The following PPARGC1A variants were observed in gnomAD, a reference collection of about 807,000 sequenced individuals.
PPARGC1A encodes the protein peroxisome proliferator-activated receptor gamma coactivator 1-alpha.
A neutral mutation model predicts 88.7 loss-of-function variants in PPARGC1A; 25 were observed. The observed-to-expected ratio is 0.28, with a 90% CI of 0.21 to 0.39. PPARGC1A has a LOEUF of 0.39. PPARGC1A is among the 10% of genes least tolerant of loss of function. The pLI is 1.00. For missense variants in PPARGC1A, 880 were observed against 968.7 expected, an observed-to-expected ratio of 0.91 and a Z score of 1.22; for synonymous variants, 363 against 355.6, an observed-to-expected ratio of 1.02 and a Z score of -0.24.
the PPARGC1A span, among the ~76,000 whole-genome samples, chr4:24,208,633 G>A: frequency 1.4e-5 from 2 of 146,276 alleles, no homozygotes; most frequent in Non-Finnish European, 3.0e-5. Flanking sequence ...GGCAAGTCTG[G>A]TCCCTGCTTC....
chr4:23,987,444 G>A, the PPARGC1A span, among the ~76,000 whole-genome samples: 1 of 151,902 alleles, frequency 6.6e-6, no homozygotes, highest in Non-Finnish European at 1.5e-5. Flanking sequence ...AGCCCATCAT[G>A]CTTTCCTTGC....
At chr4:23,907,388 T>C (rs1421138970), upstream of PPARGC1A, among the ~76,000 whole-genome samples, 1 of 152,200 alleles carries the variant, frequency 6.6e-6, no homozygotes, top group Non-Finnish European at 1.5e-5. Flanking sequence ...TTCATCACCC[T>C]TTCTCGATTT....
the PPARGC1A span, among the ~76,000 whole-genome samples, chr4:23,980,115 C>T: frequency 6.7e-6 from 1 of 148,964 alleles, no homozygotes; most frequent in Non-Finnish European, 1.5e-5. Context: ...TATCCCGTAG[C>T]CTTTCTTTTC....
chr4:24,166,732 C>T, the PPARGC1A span, among the ~76,000 whole-genome samples: 11 of 152,202 alleles, frequency 7.2e-5, no homozygotes, highest in Non-Finnish European at 5.9e-5. Flanking sequence ...GCCTGGATGA[C>T]ATCATATCTG....
intron 12 of PPARGC1A, among the ~76,000 whole-genome samples, chr4:23,799,603 C>A (rs956478448): frequency 6.6e-6 from 1 of 152,146 alleles, no homozygotes; most frequent in Non-Finnish European, 1.5e-5. Context: ...TTGGAAAAAT[C>A]CATCCTACTA....
the PPARGC1A span, among the ~76,000 whole-genome samples, chr4:24,462,271 A>G: frequency 9.3e-6 from 1 of 107,468 alleles, no homozygotes; most frequent in African/African-American, 4.6e-5. Flanking sequence ...TTTTTTTTGT[A>G]TTTTTAGTAG....
chr4:23,974,706 C>T, the PPARGC1A span, among the ~76,000 whole-genome samples: 1 of 150,836 alleles, frequency 6.6e-6, no homozygotes, highest in Admixed American at 6.6e-5. Context: ...GATCTCCGGT[C>T]ACTGCAAGTT....
chr4:23,953,607 T>C, the PPARGC1A span, among the ~76,000 whole-genome samples: 1 of 152,082 alleles, frequency 6.6e-6, no homozygotes, highest in Admixed American at 6.6e-5. Context: ...CAGGGTCTCA[T>C]TGCGCTGAAC....
the PPARGC1A span, among the ~76,000 whole-genome samples, chr4:24,003,329 C>A: frequency 2.6e-5 from 4 of 152,292 alleles, no homozygotes; most frequent in East Asian, 7.7e-4. Context: ...AAGATATACT[C>A]CTTCAGCCTC....
the PPARGC1A span, among the ~76,000 whole-genome samples, chr4:24,414,059 A>T: frequency 6.6e-6 from 1 of 152,190 alleles, no homozygotes; most frequent in African/African-American, 2.4e-5. Context: ...CCACCATGAG[A>T]CACTGTCTCC....
intron 10 of PPARGC1A, among the ~76,000 whole-genome samples, chr4:23,806,375 A>G (rs2109383363): frequency 6.6e-6 from 1 of 152,322 alleles, no homozygotes; most frequent in South Asian, 2.1e-4. Context: ...AGATGAATAG[A>G]TTTCATATCT....
At chr4:24,193,005 A>T in the PPARGC1A span, among the ~76,000 whole-genome samples, 1 of 152,264 alleles carries the variant, frequency 6.6e-6, no homozygotes, top group African/African-American at 2.4e-5. Context: ...CCAGAACATT[A>T]GAAAAGAGAA....
chr4:24,292,435 T>C, the PPARGC1A span, among the ~76,000 whole-genome samples: 3 of 151,686 alleles, frequency 2.0e-5, no homozygotes, highest in Non-Finnish European at 2.9e-5. Flanking sequence ...TGGAGAAGCA[T>C]CAGGAAGGTT....
the PPARGC1A span, among the ~76,000 whole-genome samples, chr4:24,442,630 T>G: frequency 6.6e-6 from 1 of 152,226 alleles, no homozygotes; most frequent in African/African-American, 2.4e-5. Context: ...AGTAATCTGT[T>G]TTTTGGCAAA....
chr4:24,345,371 T>C, the PPARGC1A span, among the ~76,000 whole-genome samples: 1 of 152,186 alleles, frequency 6.6e-6, no homozygotes, highest in African/African-American at 2.4e-5. Context: ...TTTCACAATA[T>C]TGATTCTACC....
the PPARGC1A span, among the ~76,000 whole-genome samples, chr4:23,981,902 C>T: frequency 6.6e-6 from 1 of 151,948 alleles, no homozygotes; most frequent in African/African-American, 2.4e-5. Context: ...TCAGGAATTA[C>T]ATAAGAGTAA....
chr4:24,258,777 TAAC>T, the PPARGC1A span, among the ~76,000 whole-genome samples: 3 of 152,208 alleles, frequency 2.0e-5, no homozygotes, highest in South Asian at 6.2e-4. Context: ...GTAATTTCGT[TAAC>T]AACATTTTTA....
chr4:24,359,218 A>G, the PPARGC1A span, among the ~76,000 whole-genome samples: 1,059 of 152,016 alleles, frequency 7.0e-3, 12 homozygotes, highest in African/African-American at 0.024. Flanking sequence ...ATACAAAATC[A>G]AATAACTTCC....
the PPARGC1A span, among the ~76,000 whole-genome samples, chr4:24,350,079 A>G: frequency 6.6e-6 from 1 of 152,212 alleles, no homozygotes; most frequent in Non-Finnish European, 1.5e-5. Flanking sequence ...CAGCTTCTCC[A>G]GTGGGGGGTG....
Sources: allele counts gnomAD v4.1 joint callset (sites outside exome capture counted in the v4.1 genomes callset), GRCh38; gene constraint gnomAD v4.1.1; transcripts MANE v1.5; gene names NCBI Gene and HGNC (gene_info 2026-07-23, HGNC 2026-07-21).